PCMT1: variants seen among roughly 807,000 people sequenced by gnomAD.
PCMT1 encodes protein-L-isoaspartate (D-aspartate) O-methyltransferase, also known as protein-L-isoaspartate(D-aspartate) O-methyltransferase.
Under a neutral mutation model 29.2 loss-of-function variants are expected in PCMT1, and 9 were observed. The observed-to-expected ratio is 0.31, with a 90% CI of 0.19 to 0.54. The LOEUF (loss-of-function observed/expected upper bound fraction) is 0.54. Ranked by LOEUF, PCMT1 falls within the 20% of genes least tolerant of loss-of-function variation. The pLI is 0.95. For missense variants in PCMT1, 184 were observed against 282.2 expected (o/e 0.65, Z 2.49); for synonymous variants, 98 against 97.5 (o/e 1.00, Z -0.03).
intron 1 of PCMT1, among the ~76,000 whole-genome samples, chr6:149,756,353 C>CT (rs5880848): frequency 0.43 from 60,695 of 141,566 alleles, 13,829 homozygotes; most frequent in East Asian, 0.81. Flanking sequence ...TATTCTTTCC[C>CT]TTTTTTTTTT....
intron 2 of PCMT1, 65 bp from the exon 3 acceptor site, chr6:149,773,073 G>A: frequency 1.9e-6 from 2 of 1,076,030 alleles, no homozygotes; most frequent in East Asian, 2.5e-5. Flanking sequence ...TGGTAGAAAA[G>A]AAATTATGTG....
intron 7 of PCMT1, among the ~76,000 whole-genome samples, chr6:149,805,343 C>T (rs1775976179): frequency 6.6e-6 from 1 of 152,112 alleles, no homozygotes; most frequent in Non-Finnish European, 1.5e-5. Flanking sequence ...CCTGTAATCC[C>T]AGCACTTTGG....
intron 3 of PCMT1, among the ~76,000 whole-genome samples, chr6:149,779,926 A>AT (rs564051634): frequency 2.6e-5 from 4 of 152,046 alleles, no homozygotes; most frequent in Non-Finnish European, 5.9e-5. Flanking sequence ...ATACTTTGTG[A>AT]TTTTTTTCTT....
At position 149,787,528 on chromosome 6, in the gene PCMT1, A is replaced by AT. The variant is rs1446174655; in HGVS notation, c.193-2420dup. Among the ~76,000 whole-genome samples the AT allele has an allele frequency of 7.9e-5, 12 of 151,770 alleles. No homozygotes were observed. In the East Asian group the frequency reaches 1.2e-3, roughly 15 times the overall value. On this transcript the variant is annotated intron_variant, in intron 3 of 7. Transcript: ENST00000464889. ...TTACAGCCGCCACCACGCCCGGCTA[A>AT]TTTTTTGTATTTTTAGCAGAGACAG...
chr6:149,786,934 G>A (rs931826037), intron 3 of PCMT1, among the ~76,000 whole-genome samples: 19 of 141,196 alleles, frequency 1.3e-4, no homozygotes, highest in Non-Finnish European at 1.5e-4. Flanking sequence ...AGGCGGCTGG[G>A]AGGTAGAGGT....
At chr6:149,785,397 A>T (rs1787985855) in intron 3 of PCMT1, among the ~76,000 whole-genome samples, 6 of 124,318 alleles carry the variant, frequency 4.8e-5, no homozygotes, top group East Asian at 2.3e-4. Flanking sequence ...ATGTTTATTC[A>T]GTTCTTTTTT....
chr6:149,810,509 T>G, intron 7 of PCMT1, 107 bp from the exon 8 acceptor site: 6 of 753,796 alleles, frequency 8.0e-6, no homozygotes, highest in Non-Finnish European at 1.3e-5. Context: ...TATTGCTTGG[T>G]GATCAGCGCA....
intron 3 of PCMT1, among the ~76,000 whole-genome samples, chr6:149,776,803 A>T (rs1328944019): frequency 6.6e-6 from 1 of 152,172 alleles, no homozygotes; most frequent in Non-Finnish European, 1.5e-5. Context: ...AAAAAATTTG[A>T]TACTTTGTAT....
chr6:149,764,910 G>C (rs993314790), intron 1 of PCMT1, among the ~76,000 whole-genome samples: 8 of 150,276 alleles, frequency 5.3e-5, no homozygotes, highest in Admixed American at 1.3e-4. Context: ...TCGTGGTGGC[G>C]GGTGCCTGTA....
At chr6:149,788,706 G>C (rs1245410058) in intron 3 of PCMT1, among the ~76,000 whole-genome samples, 1 of 152,150 alleles carries the variant, frequency 6.6e-6, no homozygotes, top group Non-Finnish European at 1.5e-5. Flanking sequence ...ACTTTTTTCT[G>C]AACTCCATTG....
intron 1 of PCMT1, among the ~76,000 whole-genome samples, chr6:149,765,261 G>A (rs1210445270): frequency 6.8e-6 from 1 of 147,506 alleles, no homozygotes; most frequent in Non-Finnish European, 1.5e-5. Context: ...TCGGGAGGCT[G>A]AGGCAGGAGA....
At chr6:149,753,474 A>C (rs530241666) in intron 1 of PCMT1, among the ~76,000 whole-genome samples, 65 of 152,198 alleles carry the variant, frequency 4.3e-4, no homozygotes, top group Non-Finnish European at 5.0e-4. Flanking sequence ...CTGGGATTAC[A>C]GGCAGGCGCC....
Position 149,749,829 on chromosome 6 carries a change from A to G in PCMT1, c.-73A>G. Reference sequence around the variant, plus strand: ...CGGTGACGGTGTGGGAGGTGGTCTCACTCTTGGGAAAACTGCTGGGCACCG... The same window carrying G: ...CGGTGACGGTGTGGGAGGTGGTCTCGCTCTTGGGAAAACTGCTGGGCACCG... On this transcript the variant is annotated 5_prime_UTR_variant, in exon 1 of 8. Coordinates refer to ENST00000464889, the MANE Select transcript of PCMT1 (RefSeq NM_001360452.2). 6.4e-7 allele frequency: 1 copy of G among 1,563,732 alleles called. No homozygotes were observed. The highest frequency in any genetic ancestry group is 8.7e-7 in the Non-Finnish European group (1 of 1,153,608).
At chr6:149,796,276 A>G (rs1788608930) in intron 5 of PCMT1, 139 bp from the exon 6 acceptor site, 2 of 507,554 alleles carry the variant, frequency 3.9e-6, no homozygotes. Flanking sequence ...TAAAAACAGC[A>G]AAAAAGTGAA....
intron 3 of PCMT1, among the ~76,000 whole-genome samples, chr6:149,786,872 G>A (rs1425843190): frequency 2.0e-5 from 3 of 147,936 alleles, no homozygotes; most frequent in East Asian, 2.0e-4. Context: ...TATCCCAGAC[G>A]GGGTGGCGGC....
At chr6:149,776,401 A>G (rs907125398) in intron 3 of PCMT1, among the ~76,000 whole-genome samples, 1 of 151,776 alleles carries the variant, frequency 6.6e-6, no homozygotes, top group Non-Finnish European at 1.5e-5. Flanking sequence ...ACAGGTGTGC[A>G]CTACCATGCC....
intron 7 of PCMT1, among the ~76,000 whole-genome samples, chr6:149,809,349 A>G (rs1435295570): frequency 6.6e-6 from 1 of 151,840 alleles, no homozygotes; most frequent in Non-Finnish European, 1.5e-5. Context: ...TACTTTATGA[A>G]TAGAGCACTT....
At chr6:149,775,455 C>T (rs939739015) in intron 3 of PCMT1, among the ~76,000 whole-genome samples, 3 of 151,970 alleles carry the variant, frequency 2.0e-5, no homozygotes, top group Non-Finnish European at 4.4e-5. Context: ...TGTGTAATCT[C>T]AACACTTTGG....
intron 1 of PCMT1, among the ~76,000 whole-genome samples, chr6:149,758,223 T>TTTTTTTTTTTTTTTTTTTTTTTTTTC (rs1215433831): frequency 7.2e-6 from 1 of 139,166 alleles, no homozygotes; most frequent in Non-Finnish European, 1.5e-5. Context: ...TTTTTTTTTT[T>TTTTTTTTTTTTTTTTTTTTTTTTTTC]TTTCTGAGAC....
Sources: gnomAD v4.1 joint callset for allele counts (sites outside exome capture counted in the v4.1 genomes callset) on GRCh38, gnomAD v4.1.1 for gene constraint, MANE v1.5 for transcripts, NCBI Gene and HGNC (gene_info 2026-07-23, HGNC 2026-07-21) for gene names.